Variants in DENND2B observed in about 807,000 individuals in gnomAD.
DENND2B encodes the protein DENN domain containing 2B.
A neutral mutation model predicts 116.0 loss-of-function variants in DENND2B; 32 were observed. That is an observed-to-expected ratio of 0.28 (90% CI 0.21 to 0.37). The LOEUF is 0.37. Ranked by LOEUF, DENND2B falls within the 10% of genes least tolerant of loss-of-function variation. DENND2B has a pLI of 1.00. For synonymous variants in DENND2B, 588 were observed against 583.9 expected (o/e 1.01, Z -0.10); for missense variants, 1,276 against 1,477.7 (o/e 0.86, Z 2.24).
chr11:8,746,287 C>A (rs1233622500), intron 2 of DENND2B, among the ~76,000 whole-genome samples: 1 of 152,234 alleles, frequency 6.6e-6, no homozygotes, highest in Non-Finnish European at 1.5e-5. Flanking sequence ...CTGGATTTCA[C>A]TGTATCACAA....
chr11:8,756,804 C>T (rs868084239), intron 1 of DENND2B, among the ~76,000 whole-genome samples: 2 of 152,124 alleles, frequency 1.3e-5, no homozygotes, highest in African/African-American at 2.4e-5. Context: ...GGAGAGAAGA[C>T]ACTCCTAAAG....
chr11:8,869,651 G>A (rs2063707885), intron 2 of DENND2B, among the ~76,000 whole-genome samples: 2 of 150,108 alleles, frequency 1.3e-5, no homozygotes, highest in Admixed American at 6.6e-5. Flanking sequence ...GAGAGACTCC[G>A]TCTCGAAAAA....
At chr11:8,718,058 T>C (rs978799986) in intron 4 of DENND2B, 166 bp from the exon 5 acceptor site, 1 of 635,924 alleles carries the variant, frequency 1.6e-6, no homozygotes, top group Middle Eastern at 4.3e-4. Flanking sequence ...GTGGGGAGGC[T>C]ACAAACAGAT....
chr11:8,875,231 G>A (rs1373497239), upstream of DENND2B, among the ~76,000 whole-genome samples: 1 of 151,284 alleles, frequency 6.6e-6, no homozygotes, highest in Non-Finnish European at 1.5e-5. Context: ...GCTGAGGCAG[G>A]AGAATGGCGT....
Position 8,766,769 on chromosome 11 carries a change from C to T in DENND2B, c.-25-16044G>A, listed in dbSNP as rs933637283. 10 of 1,075,274 alleles carry T rather than the reference C, an allele frequency of 9.3e-6. No individual in the cohort carries two copies. The African/African-American group carries it at 1.6e-4, about 17-fold the overall frequency. The allele number at this position is 1,075,274 out of a possible 1,614,324, so 66.6% of individuals were successfully genotyped here. A position where few individuals can be genotyped will look rare whatever the true frequency, so the allele number is the denominator to read the frequency against. The stretch of plus-strand genomic sequence containing the variant: ...ACTGTTGTGATGTCACAGGACTCAA[C>T]TTTTGTCATTTTAGGTGGGGGTGCT... On this transcript the variant is annotated intron_variant, in intron 1 of 19. Transcript: ENST00000313726.
chr11:8,891,518 T>C (rs1470951671), intron 1 of DENND2B, among the ~76,000 whole-genome samples: 1 of 152,108 alleles, frequency 6.6e-6, no homozygotes, highest in Non-Finnish European at 1.5e-5. Flanking sequence ...GAGACACACA[T>C]AGGCTCAACA....
At chr11:8,718,618 G>C (rs1266596885) in intron 4 of DENND2B, 2 of 1,335,010 alleles carry the variant, frequency 1.5e-6, no homozygotes, top group Non-Finnish European at 1.9e-6. Flanking sequence ...TCCCCTTTTG[G>C]AACAAACTCT....
intron 2 of DENND2B, among the ~76,000 whole-genome samples, chr11:8,740,266 A>C (rs1237273296): frequency 6.6e-6 from 1 of 152,212 alleles, no homozygotes; most frequent in Non-Finnish European, 1.5e-5. Context: ...CATAGACAGA[A>C]AGTGAGAGTT....
At chr11:8,910,950 C>CCGACCCG (rs1260474032) in exon 1 of DENND2B, 1 of 31,292 alleles carries the variant, frequency 3.2e-5, no homozygotes, top group Non-Finnish European at 9.9e-5. Context: ...CCCCCGACCC[C>CCGACCCG]CGGCCCCCGA....
intron 1 of DENND2B, among the ~76,000 whole-genome samples, chr11:8,796,242 T>C (rs926324775): frequency 3.3e-5 from 5 of 151,304 alleles, no homozygotes; most frequent in Non-Finnish European, 5.9e-5. Context: ...ATCAAACCTT[T>C]AAAAAAAAAG....
At chr11:8,733,182 C>T (rs1191653981) in intron 2 of DENND2B, among the ~76,000 whole-genome samples, 1 of 152,188 alleles carries the variant, frequency 6.6e-6, no homozygotes, top group Non-Finnish European at 1.5e-5. Context: ...CTCCGCACTC[C>T]CTGGGGTAGG....
At chr11:8,872,388 G>A (rs1471147206), upstream of DENND2B, among the ~76,000 whole-genome samples, 1 of 151,168 alleles carries the variant, frequency 6.6e-6, no homozygotes, top group African/African-American at 2.4e-5. Flanking sequence ...AGGGAGCCTT[G>A]AGGCAGGAGA....
intron 3 of DENND2B, among the ~76,000 whole-genome samples, chr11:8,841,659 G>T (rs575100183): frequency 5.3e-5 from 8 of 152,186 alleles, no homozygotes; most frequent in Non-Finnish European, 1.2e-4. Flanking sequence ...CAAAATAAAA[G>T]AAAAACGTGT....
chr11:8,874,480 T>A (rs530888230), upstream of DENND2B, among the ~76,000 whole-genome samples: 18 of 152,306 alleles, frequency 1.2e-4, no homozygotes, highest in South Asian at 3.5e-3. Flanking sequence ...GGTTCATGGA[T>A]TTTGCTTTGG....
intron 1 of DENND2B, among the ~76,000 whole-genome samples, chr11:8,761,318 T>TA (rs2054584448): frequency 6.6e-6 from 1 of 152,226 alleles, no homozygotes; most frequent in Non-Finnish European, 1.5e-5. Context: ...CTATGGCACC[T>TA]ACTCTGCCCA....
At chr11:8,891,011 A>C (rs976422521) in intron 1 of DENND2B, among the ~76,000 whole-genome samples, 1 of 152,236 alleles carries the variant, frequency 6.6e-6, no homozygotes, top group East Asian at 1.9e-4. Flanking sequence ...GTTACCCTCA[A>C]AGTGAAGCCC....
Position 8,708,094 on chromosome 11 carries a change from A to T in DENND2B, c.2353-240T>A. ...AGGTACCAGGCTCCTGCCAGGCTCC[A>T]CACAGGCTCCACCCTTCCTCCCAGG... On this transcript the variant is annotated intron_variant, in intron 11 of 19. Coordinates refer to ENST00000313726, the MANE Select transcript of DENND2B (RefSeq NM_213618.2). 4.8e-6 allele frequency: 7 copies of T among 1,445,506 alleles called. No individual in the cohort carries two copies. The South Asian group carries it at 8.1e-5, about 17-fold the overall frequency. The allele number at this position is 1,445,506 out of a possible 1,614,324, so 89.5% of individuals were successfully genotyped here. A position where few individuals can be genotyped will look rare whatever the true frequency, so the allele number is the denominator to read the frequency against.
chr11:8,831,447 C>G (rs1479921347), intron 4 of DENND2B: 4 of 152,622 alleles, frequency 2.6e-5, no homozygotes, highest in Non-Finnish European at 5.9e-5. Flanking sequence ...AGCCAGCCCC[C>G]ACCATCGTCT....
At chr11:8,695,081 T>TATAAA (rs1041288498) in intron 19 of DENND2B, among the ~76,000 whole-genome samples, 3 of 151,918 alleles carry the variant, frequency 2.0e-5, no homozygotes, top group Non-Finnish European at 4.4e-5. Flanking sequence ...ATAAATAAAA[T>TATAAA]ATAAAATAAA....
Sources: allele counts gnomAD v4.1 joint callset (sites outside exome capture counted in the v4.1 genomes callset), GRCh38; gene constraint gnomAD v4.1.1; transcripts MANE v1.5; gene names NCBI Gene and HGNC (gene_info 2026-07-23, HGNC 2026-07-21).